The following DMD variants were observed in gnomAD, a reference collection of about 807,000 sequenced individuals.
DMD encodes the protein mutant dystrophin.
Under a neutral mutation model 330.1 loss-of-function variants are expected in DMD, and 63 were observed. The ratio of observed to expected loss-of-function variants is 0.19; its 90% CI spans 0.16 to 0.24. The LOEUF (loss-of-function observed/expected upper bound fraction) is 0.24, where lower values mean the gene tolerates loss of function less well. Among genes scored for constraint, DMD ranks in the 10% least tolerant of loss-of-function variants. The probability of loss-of-function intolerance (pLI) is 1.00; values close to 1 mark genes in which losing one functional copy is unlikely to be tolerated. For synonymous variants in DMD, 1,223 were observed against 959.8 expected, an observed-to-expected ratio of 1.27 and a Z score of -5.07; for missense variants, 3,344 against 2,684.1, an observed-to-expected ratio of 1.25 and a Z score of -5.43.
intron 41 of DMD, among the ~76,000 whole-genome samples, chrX:32,336,054 C>CGTTATATATAACGTGTGTATAACAT (rs1569558558): frequency 2.4e-5 from 1 of 42,103 alleles, no homozygotes; most frequent in East Asian, 1.4e-3. Context: ...GTATATATAA[C>CGTTATATATAACGTGTGTATAACAT]GTTATATATA....
chrX:33,000,959 A>AT (rs765071668), intron 2 of DMD, among the ~76,000 whole-genome samples: 2 of 111,104 alleles, frequency 1.8e-5, no homozygotes, highest in Admixed American at 9.6e-5. Context: ...ATTATTCTAT[A>AT]TTTTTTATTA....
chrX:32,738,851 A>T (rs2068867564), intron 7 of DMD, among the ~76,000 whole-genome samples: 1 of 111,830 alleles, frequency 8.9e-6, no homozygotes. Flanking sequence ...TTTCAAAAGG[A>T]GAGGTGTGAA....
chrX:31,849,008 G>A (rs1365236930), intron 48 of DMD, among the ~76,000 whole-genome samples: 1 of 110,628 alleles, frequency 9.0e-6, no homozygotes, highest in Non-Finnish European at 1.9e-5. Flanking sequence ...TTGTGTGTGC[G>A]TGTGTTTAAC....
chrX:31,968,023 C>T lies in DMD; in HGVS notation c.6614+316G>A, dbSNP rs775389143. 5.4e-5 allele frequency among the ~76,000 whole-genome samples: 6 copies of T among 111,479 alleles called. No homozygotes were observed. In the South Asian group the frequency reaches 2.2e-3, roughly 42 times the overall value. On this transcript the variant is annotated intron_variant, in intron 45 of 78. Coordinates refer to ENST00000357033, the MANE Select transcript of DMD (RefSeq NM_004006.3). Reference sequence around the variant, plus strand: ...ATTTATAATTGCTTTCTAAAATCTTCTTGAAAAACAACTGAGATTCAGCTT... The same window carrying T: ...ATTTATAATTGCTTTCTAAAATCTTTTTGAAAAACAACTGAGATTCAGCTT...
Position 32,438,344 on chromosome X carries a change from A to C in DMD, c.3968T>G (p.Ile1323Ser), listed in dbSNP as rs762037883. The C allele has an allele frequency of 3.3e-6, 4 of 1,211,616 alleles. No individual in the cohort carries two copies. The highest frequency in any genetic ancestry group is 4.5e-6 in the Non-Finnish European group (4 of 895,371). ...TGTTAGGGTCTGTGCCAATATGCGAATCTGATTTGGGTTATCCTCTGAATG... is the reference window on the plus strand; with the variant it reads ...TGTTAGGGTCTGTGCCAATATGCGACTCTGATTTGGGTTATCCTCTGAATG... ...MRHSEDNPNQ[I>S]RILAQTLTDG... The change falls in exon 29 of 79, where the codon ATT becomes AGT. Residue 1323 changes from isoleucine (I) to serine (S), a missense_variant. By Grantham distance (142) the Ile-to-Ser change is moderately radical (BLOSUM62 -2). Transcript: ENST00000357033.
At chrX:31,765,891 C>T in intron 51 of DMD, among the ~76,000 whole-genome samples, 1 of 110,432 alleles carries the variant, frequency 9.1e-6, no homozygotes. Flanking sequence ...GTTTCAAAGA[C>T]AATTTGTTGA....
At chrX:32,195,272 G>A (rs190712386) in intron 44 of DMD, among the ~76,000 whole-genome samples, 4 of 110,910 alleles carry the variant, frequency 3.6e-5, no homozygotes, top group African/African-American at 9.8e-5. Context: ...CTGCATGTGC[G>A]GCAGCCAATG....
intron 55 of DMD, among the ~76,000 whole-genome samples, chrX:31,551,637 C>A (rs1246423699): frequency 8.9e-6 from 1 of 112,319 alleles, no homozygotes; most frequent in Non-Finnish European, 1.9e-5. Context: ...AAAGTAAAAT[C>A]TCACCAACTG....
At chrX:31,420,949 C>G (rs2063333908) in intron 60 of DMD, among the ~76,000 whole-genome samples, 1 of 112,057 alleles carries the variant, frequency 8.9e-6, no homozygotes. Context: ...AAAATCAGTG[C>G]CTTGCTCCCA....
At position 32,946,198 on chromosome X, in the gene DMD, T is replaced by TA. The variant is rs200908944; in HGVS notation, c.93+73940dup. ...CTTATTTTCCCTTTAATCTCAAATA[T>TA]AAAAAAATTAAGGCTATTAATTTTC... is the stretch of plus-strand genomic sequence containing the variant. On this transcript the variant is annotated intron_variant, in intron 2 of 78. Transcript: ENST00000357033. Among the ~76,000 whole-genome samples the TA allele has an allele frequency of 0.01, 1,135 of 111,497 alleles. 47 individuals are homozygous for TA. In the East Asian group the frequency reaches 0.16, roughly 16 times the overall value.
intron 4 of DMD, 115 bp downstream of exon 4, chrX:32,844,668 G>T: frequency 1.6e-6 from 1 of 624,405 alleles, no homozygotes; most frequent in Non-Finnish European, 2.7e-6. Flanking sequence ...GTAAGAACTG[G>T]TCTGATTTAC....
intron 73 of DMD, among the ~76,000 whole-genome samples, chrX:31,169,906 A>G (rs2039820867): frequency 8.9e-6 from 1 of 112,103 alleles, no homozygotes; most frequent in Non-Finnish European, 1.9e-5. Context: ...GTCAATAGCT[A>G]AAAAATATTA....
intron 9 of DMD, among the ~76,000 whole-genome samples, chrX:32,690,144 T>C (rs148629019): frequency 0.057 from 6,297 of 110,302 alleles, 481 homozygotes; most frequent in African/African-American, 0.2. Flanking sequence ...CATAATCTTA[T>C]GAATAGAAAA....
chrX:33,018,767 C>T (rs1163127680), intron 2 of DMD, among the ~76,000 whole-genome samples: 1 of 111,446 alleles, frequency 9.0e-6, no homozygotes, highest in Non-Finnish European at 1.9e-5. Flanking sequence ...GTATATACAG[C>T]AATTAAACTA....
intron 44 of DMD, among the ~76,000 whole-genome samples, chrX:32,197,000 A>AAAAAAAAAAAAC (rs1557206020): frequency 1.1e-4 from 10 of 93,915 alleles, no homozygotes; most frequent in African/African-American, 2.8e-4. Context: ...AAAAAAAAAA[A>AAAAAAAAAAAAC]AAAAACAAAA....
intron 29 of DMD, among the ~76,000 whole-genome samples, chrX:32,430,472 T>C (rs1048801608): frequency 2.7e-5 from 3 of 111,576 alleles, no homozygotes; most frequent in Non-Finnish European, 5.7e-5. Flanking sequence ...GAGATAAATA[T>C]ACACTGATAA....
At chrX:32,742,136 G>A (rs1259763805) in intron 7 of DMD, among the ~76,000 whole-genome samples, 12 of 111,613 alleles carry the variant, frequency 1.1e-4, no homozygotes, top group Admixed American at 9.6e-4. Context: ...TGGTTACACA[G>A]CTACCACCCA....
At chrX:31,644,183 G>C (rs185882454) in intron 54 of DMD, among the ~76,000 whole-genome samples, 170 of 111,695 alleles carry the variant, frequency 1.5e-3, no homozygotes, top group Middle Eastern at 0.014. Flanking sequence ...GCAAAGATGT[G>C]GTGAGATGCC....
chrX:32,877,579 C>T lies in DMD; in HGVS notation c.94-27759G>A, dbSNP rs139422634. 3.4e-3 allele frequency among the ~76,000 whole-genome samples: 383 copies of T among 112,205 alleles called. 1 individual carries two copies. The highest frequency in any genetic ancestry group is 0.012 in the African/African-American group (357 of 30,895). Reference sequence around the variant, plus strand: ...AAAAATCGTGTTTTATCCAGATCCACTAAGATTCCATTAACACTTCTGCGT... The same window carrying T: ...AAAAATCGTGTTTTATCCAGATCCATTAAGATTCCATTAACACTTCTGCGT... On this transcript the variant is annotated intron_variant, in intron 2 of 78. Coordinates refer to ENST00000357033, the MANE Select transcript of DMD (RefSeq NM_004006.3).
Sources: gnomAD v4.1 joint callset for allele counts (sites outside exome capture counted in the v4.1 genomes callset) on GRCh38, gnomAD v4.1.1 for gene constraint, MANE v1.5 for transcripts, NCBI Gene and HGNC (gene_info 2026-07-23, HGNC 2026-07-21) for gene names.